Variants in MLLT10 observed in about 807,000 individuals in gnomAD.
The protein encoded by MLLT10 is MLLT10 histone lysine methyltransferase DOT1L cofactor, also known as protein AF-10.
MLLT10 carries 30 observed loss-of-function variants against 129.1 expected under a neutral mutation model. The observed-to-expected ratio is 0.23, with a 90% CI of 0.17 to 0.32. The LOEUF (loss-of-function observed/expected upper bound fraction) is 0.32. Ranked by LOEUF, MLLT10 falls within the 10% of genes least tolerant of loss-of-function variation. The pLI is 1.00. For synonymous variants in MLLT10, 490 were observed against 446.4 expected (o/e 1.10, Z -1.23); for missense variants, 1,119 against 1,268.3 (o/e 0.88, Z 1.79).
intron 3 of MLLT10, among the ~76,000 whole-genome samples, chr10:21,576,700 G>A (rs529016968): frequency 6.0e-5 from 9 of 149,236 alleles, no homozygotes; most frequent in South Asian, 4.2e-4. Context: ...GCACAATCTC[G>A]GCTCACTGCA....
At chr10:21,712,859 T>G (rs976576084) in intron 13 of MLLT10, among the ~76,000 whole-genome samples, 3 of 152,264 alleles carry the variant, frequency 2.0e-5, no homozygotes, top group African/African-American at 7.2e-5. Flanking sequence ...TCCCATTTCT[T>G]TATCCTGAAA....
At chr10:21,701,149 G>C (rs985465196) in intron 13 of MLLT10, among the ~76,000 whole-genome samples, 1 of 151,914 alleles carries the variant, frequency 6.6e-6, no homozygotes, top group Non-Finnish European at 1.5e-5. Context: ...TCATATTTCT[G>C]TGGTATCAGT....
Position 21,699,150 on chromosome 10 carries a change from C to T in MLLT10, c.1700-14622C>T, listed in dbSNP as rs369664587. On this transcript the variant is annotated intron_variant, in intron 13 of 22. Transcript: ENST00000307729. ...TCGGCCTCCCAAAGTGCTGGGATTA[C>T]AGGTGTGAGCCACCGTGCCCAGCAT... Among the ~76,000 whole-genome samples the T allele has an allele frequency of 5.3e-5, 8 of 152,156 alleles. 1 individual carries two copies. The East Asian group carries it at 9.6e-4, about 18-fold the overall frequency.
intron 8 of MLLT10, chr10:21,625,398 A>G (rs1004333445): frequency 2.1e-5 from 17 of 808,172 alleles, no homozygotes; most frequent in Admixed American, 3.8e-5. Flanking sequence ...GACTTTTCCA[A>G]TATTTCGTCT....
chr10:21,725,114 A>G (rs1432503546), intron 14 of MLLT10, among the ~76,000 whole-genome samples: 2 of 152,258 alleles, frequency 1.3e-5, no homozygotes, highest in African/African-American at 4.8e-5. Flanking sequence ...CAAAATAGGA[A>G]GTAACAAAAT....
chr10:21,536,688 C>T (rs2130882558), intron 2 of MLLT10, among the ~76,000 whole-genome samples: 1 of 152,312 alleles, frequency 6.6e-6, no homozygotes, highest in South Asian at 2.1e-4. Context: ...CCACTTCAGC[C>T]TTCCCAGTAG....
rs967715825 is a variant in MLLT10 at position 21,592,321 on chromosome 10, TC to T, written c.296-3007del. Reference sequence around the variant, plus strand: ...TTACTCAAGGAAAATTGTTTGGTGTTCCCTTTAATGGAAAACTTTTAAAAAA... The same window carrying T: ...TTACTCAAGGAAAATTGTTTGGTGTTCCTTTAATGGAAAACTTTTAAAAAA... On this transcript the variant is annotated intron_variant, in intron 4 of 22. Coordinates refer to ENST00000307729, the MANE Select transcript of MLLT10 (RefSeq NM_001195626.3). Among the ~76,000 whole-genome samples the T allele has an allele frequency of 1.3e-3, 200 of 152,328 alleles. 1 individual carries two copies. The highest frequency in any genetic ancestry group is 4.5e-3 in the African/African-American group (188 of 41,592).
intron 13 of MLLT10, among the ~76,000 whole-genome samples, chr10:21,702,275 G>A (rs923661501): frequency 6.6e-6 from 1 of 152,022 alleles, no homozygotes; most frequent in Non-Finnish European, 1.5e-5. Context: ...TCCTCTTTGT[G>A]TTGATTTTTA....
chr10:21,682,334 C>T, intron 13 of MLLT10, 77 bp downstream of exon 13: 2 of 1,316,006 alleles, frequency 1.5e-6, no homozygotes, highest in Non-Finnish European at 2.1e-6. Context: ...CGATTGAAAG[C>T]TAGCATGTTC....
Position 21,534,443 on chromosome 10 carries a change from G to A in MLLT10, c.-78G>A. The A allele has an allele frequency of 2.0e-6, 1 of 496,702 alleles. No homozygotes were observed. The highest frequency in any genetic ancestry group is 3.4e-5 in the East Asian group (1 of 29,828). The allele number at this position is 496,702 out of a possible 1,614,324, so 30.8% of individuals were successfully genotyped here. ...AGGAGGAGGCGGAGGAGGCGGTGGA[G>A]GGGAGGTGGGGGGAATCAGCAAGGA... On this transcript the variant is annotated 5_prime_UTR_variant, in exon 1 of 23. Coordinates refer to ENST00000307729, the MANE Select transcript of MLLT10 (RefSeq NM_001195626.3).
intron 3 of MLLT10, among the ~76,000 whole-genome samples, chr10:21,581,194 C>G (rs1278183744): frequency 6.6e-6 from 1 of 151,780 alleles, no homozygotes; most frequent in Non-Finnish European, 1.5e-5. Context: ...TACAGGCGCC[C>G]ACTATCACAC....
In MLLT10 at chr10:21,742,321, T is replaced by C. The variant is rs558650448; in HGVS notation, c.*338T>C. ...GTACACAACTAGTTTTGTTTATAAA[T>C]TGGAGATGCAAATAGCAAAACTAAA... On this transcript the variant is annotated 3_prime_UTR_variant, in exon 23 of 23. Transcript: ENST00000307729. The C allele has an allele frequency of 1.1e-5, 3 of 267,328 alleles. No individual in the cohort carries two copies. The highest frequency in any genetic ancestry group is 3.2e-4 in the South Asian group (2 of 6,154). 16.6% of individuals were successfully genotyped at this position (267,328 alleles called of 1,614,324 possible). A position where few individuals can be genotyped will look rare whatever the true frequency, so the allele number is the denominator to read the frequency against.
chr10:21,636,040 C>T (rs753522688), intron 8 of MLLT10, among the ~76,000 whole-genome samples: 96 of 151,366 alleles, frequency 6.3e-4, no homozygotes, highest in Admixed American at 1.2e-3. Context: ...AGCACTTAAC[C>T]TAGCCTTGCC....
intron 5 of MLLT10, among the ~76,000 whole-genome samples, chr10:21,596,983 G>A (rs1342481003): frequency 6.6e-6 from 1 of 151,388 alleles, no homozygotes; most frequent in East Asian, 1.9e-4. Flanking sequence ...TTCTGCCTTT[G>A]ATGCTGTGCA....
chr10:21,589,058 T>G (rs1046494831), intron 4 of MLLT10, among the ~76,000 whole-genome samples: 1 of 152,046 alleles, frequency 6.6e-6, no homozygotes, highest in African/African-American at 2.4e-5. Context: ...ACTACAGGTG[T>G]GAGCCACCAT....
intron 8 of MLLT10, among the ~76,000 whole-genome samples, chr10:21,634,072 A>G (rs918350866): frequency 6.6e-6 from 1 of 152,088 alleles, no homozygotes; most frequent in African/African-American, 2.4e-5. Flanking sequence ...AAATCCAATC[A>G]CTACTAAAAA....
At chr10:21,673,318 C>CCCATTT in intron 10 of MLLT10, 32 bp from the exon 11 acceptor site, 1 of 307,342 alleles carries the variant, frequency 3.3e-6, no homozygotes, top group Non-Finnish European at 5.0e-6. Flanking sequence ...CACCCCCCAA[C>CCCATTT]TTTTTTTTTT....
chr10:21,741,825 G>A, intron 22 of MLLT10, 114 bp from the exon 23 acceptor site: 2 of 1,124,728 alleles, frequency 1.8e-6, no homozygotes, highest in Non-Finnish European at 2.6e-6. Flanking sequence ...CAACTTGCAA[G>A]AAAAAAGGGA....
At chr10:21,724,521 T>C (rs892030712) in intron 14 of MLLT10, among the ~76,000 whole-genome samples, 2 of 152,266 alleles carry the variant, frequency 1.3e-5, no homozygotes. Flanking sequence ...TTTGCCGATA[T>C]TTTCAAGAGT....
Sources: gnomAD v4.1 joint callset for allele counts (sites outside exome capture counted in the v4.1 genomes callset) on GRCh38, gnomAD v4.1.1 for gene constraint, MANE v1.5 for transcripts, NCBI Gene and HGNC (gene_info 2026-07-23, HGNC 2026-07-21) for gene names.